Variants in ATP2C2 observed in about 807,000 individuals in gnomAD.
ATP2C2 encodes the protein ATPase secretory pathway Ca2+ transporting 2.
ATP2C2 carries 171 observed loss-of-function variants against 110.8 expected under a neutral mutation model. The observed-to-expected ratio is 1.54, with a 90% CI of 1.36 to 1.75. ATP2C2 has a LOEUF of 1.75. ATP2C2 is among the 40% of genes most tolerant of loss of function. The probability of loss-of-function intolerance (pLI) is 0.00; values close to 1 mark genes in which losing one functional copy is unlikely to be tolerated. For synonymous variants in ATP2C2, 804 were observed against 508.4 expected, an observed-to-expected ratio of 1.58 and a Z score of -7.82; for missense variants, 1,963 against 1,235.0, an observed-to-expected ratio of 1.59 and a Z score of -8.84.
At chr16:84,397,603 G>A (rs1463162461) in intron 1 of ATP2C2, among the ~76,000 whole-genome samples, 1 of 134,530 alleles carries the variant, frequency 7.4e-6, no homozygotes, top group Non-Finnish European at 1.5e-5. Flanking sequence ...GAGCCTGGGA[G>A]GTTGAGGCTG....
At chr16:84,460,334 C>G in intron 23 of ATP2C2, 1 of 383,634 alleles carries the variant, frequency 2.6e-6, no homozygotes, top group Non-Finnish European at 4.8e-6. Context: ...GCCTGTTTCT[C>G]CAGGCGCAAC....
At chr16:84,399,926 G>T (rs912039410) in intron 2 of ATP2C2, among the ~76,000 whole-genome samples, 2 of 152,078 alleles carry the variant, frequency 1.3e-5, no homozygotes, top group African/African-American at 4.8e-5. Flanking sequence ...ACCCTTTCCA[G>T]GCCCTGGTAA....
At chr16:84,397,449 A>C (rs914374779) in intron 1 of ATP2C2, among the ~76,000 whole-genome samples, 4 of 151,476 alleles carry the variant, frequency 2.6e-5, no homozygotes, top group African/African-American at 9.8e-5. Context: ...GTCCACTTAC[A>C]AGTTTCAATT....
At chr16:84,380,303 G>T (rs1178292956) in intron 1 of ATP2C2, among the ~76,000 whole-genome samples, 4 of 152,136 alleles carry the variant, frequency 2.6e-5, no homozygotes, top group Non-Finnish European at 5.9e-5. Context: ...TCTCCTAATA[G>T]TAGTTGCTGT....
intron 1 of ATP2C2, among the ~76,000 whole-genome samples, chr16:84,379,589 C>T (rs951974927): frequency 2.0e-5 from 3 of 152,222 alleles, no homozygotes; most frequent in Non-Finnish European, 4.4e-5. Context: ...GAATCAGAAA[C>T]TCTGGGCGGG....
chr16:84,461,572 A>T (rs1470971527), intron 24 of ATP2C2, 142 bp from the exon 25 acceptor site: 1 of 758,082 alleles, frequency 1.3e-6, no homozygotes, highest in Non-Finnish European at 2.3e-6. Context: ...TCACACCTGG[A>T]GGAAGCTGTG....
chr16:84,462,984 G>C (rs957037460), intron 26 of ATP2C2: 1 of 154,290 alleles, frequency 6.5e-6, no homozygotes, highest in Admixed American at 6.4e-5. Flanking sequence ...GTCAGTGTGG[G>C]TCACCAGTGA....
intron 1 of ATP2C2, among the ~76,000 whole-genome samples, chr16:84,395,068 C>T (rs1904888616): frequency 2.0e-5 from 3 of 152,142 alleles, no homozygotes; most frequent in Admixed American, 1.3e-4. Flanking sequence ...GGGCATCGGG[C>T]AGTGTCTGAC....
intron 26 of ATP2C2, among the ~76,000 whole-genome samples, 190 bp from the exon 27 acceptor site, chr16:84,463,424 A>C (rs151134190): frequency 0.015 from 2,329 of 152,236 alleles, 64 homozygotes; most frequent in African/African-American, 0.053. Flanking sequence ...CTGGAACCAC[A>C]GGCAGGCCCT....
At chr16:84,384,201 G>T (rs1199581383) in intron 1 of ATP2C2, among the ~76,000 whole-genome samples, 1 of 152,176 alleles carries the variant, frequency 6.6e-6, no homozygotes, top group Non-Finnish European at 1.5e-5. Flanking sequence ...CGTTGTCCTG[G>T]TAACAGGGAA....
At chr16:84,461,672 T>TC (rs1381833406) in intron 24 of ATP2C2, 42 bp from the exon 25 acceptor site, 1 of 1,569,676 alleles carries the variant, frequency 6.4e-7, no homozygotes, top group Non-Finnish European at 8.8e-7. Context: ...ATGGAGGTTG[T>TC]CTCTTCCCGC....
At position 84,461,534 on chromosome 16, in the gene ATP2C2, G is replaced by T. The variant is rs1911336688; in HGVS notation, c.2482-180G>T. The T allele has an allele frequency of 4.5e-6, 3 of 670,428 alleles. No homozygotes were observed. The East Asian group carries it at 7.6e-5, about 17-fold the overall frequency. The allele number at this position is 670,428 out of a possible 1,614,324, so 41.5% of individuals were successfully genotyped here. A position where few individuals can be genotyped will look rare whatever the true frequency, so the allele number is the denominator to read the frequency against. ...GTGGCAGCAAATCAGCATGTGCTGG[G>T]GAGACCCTGGGGTAGCAGCCACTGA... On this transcript the variant is annotated intron_variant, in intron 24 of 26. Coordinates refer to ENST00000262429, the MANE Select transcript of ATP2C2 (RefSeq NM_014861.4).
intron 1 of ATP2C2, among the ~76,000 whole-genome samples, chr16:84,394,138 C>T (rs1904833491): frequency 6.6e-6 from 1 of 151,858 alleles, no homozygotes; most frequent in Non-Finnish European, 1.5e-5. Context: ...GCACCAAGAT[C>T]ACACCACTGC....
At chr16:84,369,432 T>C (rs1254242192) in intron 1 of ATP2C2, among the ~76,000 whole-genome samples, 1 of 151,940 alleles carries the variant, frequency 6.6e-6, no homozygotes, top group Non-Finnish European at 1.5e-5. Flanking sequence ...CAGAACTCGT[T>C]GCATGCTTTA....
intron 11 of ATP2C2, among the ~76,000 whole-genome samples, chr16:84,431,487 C>T (rs997967367): frequency 2.0e-5 from 3 of 151,882 alleles, no homozygotes; most frequent in Non-Finnish European, 4.4e-5. Context: ...CAGAGCAAAA[C>T]TCTGTCTCAA....
chr16:84,368,816 G>A, intron 1 of ATP2C2, 102 bp downstream of exon 1: 4 of 985,878 alleles, frequency 4.1e-6, no homozygotes, highest in South Asian at 1.6e-5. Flanking sequence ...TGCGATCCGC[G>A]AACTCGCCCT....
At chr16:84,391,493 A>T (rs1421569805) in intron 1 of ATP2C2, among the ~76,000 whole-genome samples, 1 of 152,238 alleles carries the variant, frequency 6.6e-6, no homozygotes, top group Admixed American at 6.5e-5. Context: ...AAATGAGGTC[A>T]CACTGGAGTT....
At chr16:84,429,708 C>T (rs539097706) in intron 11 of ATP2C2, among the ~76,000 whole-genome samples, 4 of 152,020 alleles carry the variant, frequency 2.6e-5, no homozygotes, top group African/African-American at 7.2e-5. Context: ...GGAGAGGGAG[C>T]GTGAAGCTGA....
intron 1 of ATP2C2, among the ~76,000 whole-genome samples, chr16:84,370,067 G>A (rs896384101): frequency 6.6e-6 from 1 of 152,138 alleles, no homozygotes; most frequent in African/African-American, 2.4e-5. Context: ...CTTGCATCAG[G>A]CCAGGTATTT....
Sources: allele counts gnomAD v4.1 joint callset (sites outside exome capture counted in the v4.1 genomes callset), GRCh38; gene constraint gnomAD v4.1.1; transcripts MANE v1.5; gene names NCBI Gene and HGNC (gene_info 2026-07-23, HGNC 2026-07-21).